MIER2: variants seen among roughly 807,000 people sequenced by gnomAD.
The protein encoded by MIER2 is MIER family member 2.
In MIER2, 30 loss-of-function variants were observed where a neutral mutation model predicts 67.6. The ratio of observed to expected loss-of-function variants is 0.44; its 90% CI spans 0.33 to 0.60. The LOEUF is 0.60. Among genes scored for constraint, MIER2 ranks in the 20% least tolerant of loss-of-function variants. The pLI is 0.02. For synonymous variants in MIER2, 372 were observed against 312.6 expected, an observed-to-expected ratio of 1.19 and a Z score of -2.00; for missense variants, 702 against 745.1, an observed-to-expected ratio of 0.94 and a Z score of 0.67.
At chr19:321,904 AT>A (rs1163618384) in intron 7 of MIER2, among the ~76,000 whole-genome samples, 3 of 151,542 alleles carry the variant, frequency 2.0e-5, no homozygotes, top group Non-Finnish European at 4.4e-5. Context: ...TTTTATTTTT[AT>A]TTTTATTTTT....
At chr19:335,085 G>A (rs548932098) in intron 2 of MIER2, among the ~76,000 whole-genome samples, 6 of 152,376 alleles carry the variant, frequency 3.9e-5, no homozygotes, top group African/African-American at 1.4e-4. Flanking sequence ...AACAGTTGAC[G>A]GCTGTCATCA....
Position 315,221 on chromosome 19 carries a change from C to T in MIER2, c.656-1578G>A, listed in dbSNP as rs373460709. On this transcript the variant is annotated intron_variant, in intron 7 of 13. Transcript: ENST00000264819. ...CTCTACTAAAAATACAAAAATTAGC[C>T]GGGCGTGGTCATGGGCGCCTGTAAT... 3.7e-4 allele frequency among the ~76,000 whole-genome samples: 56 copies of T among 152,126 alleles called. No homozygotes were observed. The South Asian group carries it at 9.0e-3, about 24-fold the overall frequency.
Position 328,119 on chromosome 19 carries a change from T to C in MIER2, c.244-130A>G. 2.4e-6 allele frequency: 3 copies of C among 1,268,946 alleles called. No individual in the cohort carries two copies. In the South Asian group the frequency reaches 4.3e-5, roughly 18 times the overall value. 78.6% of individuals were successfully genotyped at this position (1,268,946 alleles called of 1,614,324 possible). A position where few individuals can be genotyped will look rare whatever the true frequency, so the allele number is the denominator to read the frequency against. On this transcript the variant is annotated intron_variant, in intron 3 of 13. Transcript: ENST00000264819. ...GTCACACCCATAGCAACTCCCCACATGGCAGCACTCCCCAGCCAGACCTCA... is the reference window on the plus strand; with the variant it reads ...GTCACACCCATAGCAACTCCCCACACGGCAGCACTCCCCAGCCAGACCTCA...
At chr19:313,688 G>C (rs1253499733) in intron 7 of MIER2, 45 bp from the exon 8 acceptor site, 2 of 1,591,026 alleles carry the variant, frequency 1.3e-6, no homozygotes, top group African/African-American at 2.7e-5. Flanking sequence ...AACCCAATCT[G>C]CACCCACACA....
intron 7 of MIER2, among the ~76,000 whole-genome samples, chr19:315,643 G>A (rs1296969436): frequency 6.6e-6 from 1 of 152,174 alleles, no homozygotes; most frequent in Non-Finnish European, 1.5e-5. Flanking sequence ...GAATCAAAAG[G>A]AAACCAATGT....
At chr19:307,097 C>T (rs1970684074) in intron 13 of MIER2, 22 bp downstream of exon 13, 3 of 1,563,266 alleles carry the variant, frequency 1.9e-6, no homozygotes, top group East Asian at 4.7e-5. Context: ...TGCGGAGGCT[C>T]CGGGCATGGG....
chr19:335,383 C>T (rs976966936), intron 2 of MIER2, among the ~76,000 whole-genome samples: 15 of 152,348 alleles, frequency 9.8e-5, no homozygotes, highest in Admixed American at 9.8e-4. Context: ...GCGGCAGGCA[C>T]CTCGTTAGAG....
chr19:311,964 G>C, intron 9 of MIER2, 25 bp from the exon 10 acceptor site: 1 of 1,609,708 alleles, frequency 6.2e-7, no homozygotes, highest in East Asian at 2.2e-5. Context: ...GGGGAGAACG[G>C]TCAGTGGTGC....
At chr19:317,343 C>G (rs536272962) in intron 7 of MIER2, among the ~76,000 whole-genome samples, 1 of 151,798 alleles carries the variant, frequency 6.6e-6, no homozygotes, top group Non-Finnish European at 1.5e-5. Flanking sequence ...CGGGCTAACA[C>G]GGTGAAACCT....
At position 308,510 on chromosome 19, in the gene MIER2, C is replaced by A; in HGVS notation, c.1198+67G>T. ...AGGGCGCCAGGCAGGAGAGGCTCCA[C>A]CGGGCCTCACTCACGGCTCCAGACC... On this transcript the variant is annotated intron_variant, in intron 12 of 13. Transcript: ENST00000264819. The surrounding 1 kb of genome is among the most constrained non-coding windows in gnomAD (Gnocchi z 9.1). The A allele has an allele frequency of 6.8e-7, 1 of 1,472,128 alleles. No homozygotes were observed. Among genetic ancestry groups the A allele is most frequent in the Non-Finnish European group, 9.2e-7 (1 of 1,088,334 alleles). 91.2% of individuals were successfully genotyped at this position (1,472,128 alleles called of 1,614,324 possible).
At chr19:320,808 G>A (rs1971469870) in intron 7 of MIER2, among the ~76,000 whole-genome samples, 1 of 152,260 alleles carries the variant, frequency 6.6e-6, no homozygotes, top group Non-Finnish European at 1.5e-5. Context: ...GGGAGCCACT[G>A]TCTCACTGGA....
chr19:335,063 T>C (rs1450333634), intron 2 of MIER2, among the ~76,000 whole-genome samples: 2 of 152,226 alleles, frequency 1.3e-5, no homozygotes, highest in Admixed American at 1.3e-4. Flanking sequence ...AGACATGCGA[T>C]GTACATGGCC....
chr19:337,229 C>A (rs1226706646), intron 1 of MIER2, among the ~76,000 whole-genome samples: 1 of 152,098 alleles, frequency 6.6e-6, no homozygotes, highest in African/African-American at 2.4e-5. Context: ...TTATAAGCCA[C>A]GACCAAGTAA....
At chr19:316,275 G>A (rs908592624) in intron 7 of MIER2, among the ~76,000 whole-genome samples, 1 of 151,760 alleles carries the variant, frequency 6.6e-6, no homozygotes, top group Non-Finnish European at 1.5e-5. Context: ...AAACAACAAT[G>A]TTATCATCTT....
rs1361780050 is a variant in MIER2, at chr19:317,563, T to TAAATAAAC, written c.656-3921_656-3920insGTTTATTT. On this transcript the variant is annotated intron_variant, in intron 7 of 13. Coordinates refer to ENST00000264819, the MANE Select transcript of MIER2 (RefSeq NM_017550.3). ...ATAAATAAATAAATAAATAAATAAA[T>TAAATAAAC]AAAATAAAAATACAAAATTAGCCAG... 4.2e-3 allele frequency among the ~76,000 whole-genome samples: 617 copies of TAAATAAAC among 145,616 alleles called. 7 individuals carry two copies. The highest frequency in any genetic ancestry group is 0.015 in the African/African-American group (587 of 39,064).
In MIER2 at chr19:311,841, G is replaced by A. The variant is rs200493844; in HGVS notation, c.984+4C>T. ...CCGGTGGAGCCTGGCAGTGGAGTCCGCACCTTGTTGGCCTGGATCAGGTGA... is the reference window on the plus strand; with the variant it reads ...CCGGTGGAGCCTGGCAGTGGAGTCCACACCTTGTTGGCCTGGATCAGGTGA... On this transcript the variant is annotated splice_donor_region_variant and intron_variant, in intron 10 of 13. Coordinates refer to ENST00000264819, the MANE Select transcript of MIER2 (RefSeq NM_017550.3). 2.3e-4 allele frequency: 369 copies of A among 1,613,718 alleles called. 1 individual carries two copies. Among genetic ancestry groups the A allele is most frequent in the Non-Finnish European group, 2.8e-4 (331 of 1,179,810 alleles).
chr19:309,713 C>CAT (rs1970848681), intron 10 of MIER2, among the ~76,000 whole-genome samples: 1 of 114,390 alleles, frequency 8.7e-6, no homozygotes, highest in Non-Finnish European at 1.7e-5. Context: ...GACACACACA[C>CAT]GCACACAAGG....
Position 307,274 on chromosome 19 carries a change from C to A in MIER2, c.1461G>T (p.Val487=), listed in dbSNP as rs1449091604. The A allele has an allele frequency of 2.2e-5, 35 of 1,599,394 alleles. No homozygotes were observed. The highest frequency in any genetic ancestry group is 2.9e-5 in the Non-Finnish European group (34 of 1,173,544). Residue 487 remains valine (V), a synonymous_variant, in exon 13 of 14, where the codon GTG becomes GTT. Coordinates refer to ENST00000264819, the MANE Select transcript of MIER2 (RefSeq NM_017550.3). The part of the protein sequence containing the change: ...PKELPLISSH[V]DLSGDPEETV... ...TCTCCTCCGGATCCCCGCTGAGGTC[C>A]ACATGGCTGGAGATGAGGGGCAGCT...
In MIER2 at chr19:307,274, C is replaced by G. The variant is rs1449091604; in HGVS notation, c.1461G>C (p.Val487=). The G allele has an allele frequency of 1.9e-6, 3 of 1,599,394 alleles. No homozygotes were observed. Among genetic ancestry groups the G allele is most frequent in the East Asian group, 2.3e-5 (1 of 44,236 alleles). The change falls in exon 13 of 14, where the codon GTG becomes GTC. Residue 487 remains valine (V), a synonymous_variant. Transcript: ENST00000264819. ...TCTCCTCCGGATCCCCGCTGAGGTCCACATGGCTGGAGATGAGGGGCAGCT... is the reference window on the plus strand; with the variant it reads ...TCTCCTCCGGATCCCCGCTGAGGTCGACATGGCTGGAGATGAGGGGCAGCT... ...PKELPLISSH[V]DLSGDPEETV...
Sources: gnomAD v4.1 joint callset for allele counts (sites outside exome capture counted in the v4.1 genomes callset) on GRCh38, gnomAD v4.1.1 for gene constraint, Gnocchi (gnomAD v3.1) non-coding constraint, MANE v1.5 for transcripts, NCBI Gene and HGNC (gene_info 2026-07-23, HGNC 2026-07-21) for gene names.